The following GALNT18 variants were observed in gnomAD, a reference collection of about 807,000 sequenced individuals.
GALNT18 encodes polypeptide N-acetylgalactosaminyltransferase 18.
A neutral mutation model predicts 69.5 loss-of-function variants in GALNT18; 44 were observed. The ratio of observed to expected loss-of-function variants is 0.63; its 90% CI spans 0.50 to 0.81. The LOEUF is 0.81. Among genes scored for constraint, GALNT18 ranks in the 40% least tolerant of loss-of-function variants. The pLI, the probability that GALNT18 is intolerant of heterozygous loss-of-function variation, is 0.00. For synonymous variants in GALNT18, 364 were observed against 318.2 expected (o/e 1.14, Z -1.53); for missense variants, 715 against 810.0 (o/e 0.88, Z 1.42).
At position 11,583,467 on chromosome 11, in the gene GALNT18, G is replaced by A. The variant is rs548152487; in HGVS notation, c.235+37892C>T. Among the ~76,000 whole-genome samples the A allele has an allele frequency of 6.6e-5, 10 of 152,258 alleles. No individual in the cohort carries two copies. The highest frequency in any genetic ancestry group is 2.2e-4 in the African/African-American group (9 of 41,546). ...ATCCATAGGTGAAAATAAAATCCACGGGGTAAAAAGGTTTCTAGCTCTGTT... is the reference window on the plus strand; with the variant it reads ...ATCCATAGGTGAAAATAAAATCCACAGGGTAAAAAGGTTTCTAGCTCTGTT... On this transcript the variant is annotated intron_variant, in intron 1 of 10. Coordinates refer to ENST00000227756, the MANE Select transcript of GALNT18 (RefSeq NM_198516.3). This position sits in a 1 kb window ranked among gnomAD's most constrained non-coding sequence, Gnocchi z 4.7.
rs1167451492 is a variant in GALNT18, at chr11:11,620,922, G to C, written c.235+437C>G. Among the ~76,000 whole-genome samples, 1 of 152,100 alleles carries C rather than the reference G, an allele frequency of 6.6e-6. No homozygotes were observed. The highest frequency in any genetic ancestry group is 2.4e-5 in the African/African-American group (1 of 41,440). On this transcript the variant is annotated intron_variant, in intron 1 of 10. Transcript: ENST00000227756. This position sits in a 1 kb window ranked among gnomAD's most constrained non-coding sequence, Gnocchi z 6.9. ...GCCAATAGTCAGGGCCGCCGCGCGG[G>C]CATCTCGCCTGACGCCTACAGTGGC...
At chr11:11,551,079 C>T (rs1485270859) in intron 1 of GALNT18, among the ~76,000 whole-genome samples, 7 of 105,462 alleles carry the variant, frequency 6.6e-5, no homozygotes, top group East Asian at 2.2e-4. Flanking sequence ...AAACTCTATA[C>T]GGTACCAAAA....
At position 11,484,820 on chromosome 11, in the gene GALNT18, T is replaced by A. The variant is rs142303050; in HGVS notation, c.236-35884A>T. ...AGCAGGTGAGGAGAAACTGAACAGC[T>A]CTTCCAGGTCCCCAAGGAGTGGAGC... On this transcript the variant is annotated intron_variant, in intron 1 of 10. Coordinates refer to ENST00000227756, the MANE Select transcript of GALNT18 (RefSeq NM_198516.3). Among the ~76,000 whole-genome samples the A allele has an allele frequency of 8.3e-4, 127 of 152,196 alleles. 1 individual carries two copies. The highest frequency in any genetic ancestry group is 1.2e-3 in the Admixed American group (18 of 15,274).
chr11:11,611,039 A>C (rs575969043), intron 1 of GALNT18, among the ~76,000 whole-genome samples: 4 of 152,398 alleles, frequency 2.6e-5, no homozygotes, highest in Non-Finnish European at 5.9e-5. Flanking sequence ...CTGTAATGGA[A>C]GATCAAAAAG....
chr11:11,279,097 T>C (rs558891162), intron 10 of GALNT18, among the ~76,000 whole-genome samples: 70 of 152,118 alleles, frequency 4.6e-4, no homozygotes, highest in African/African-American at 1.7e-3. Flanking sequence ...GTGGGCTCTC[T>C]CCGCTCTGAG....
chr11:11,286,127 C>T (rs1046536520), intron 10 of GALNT18, among the ~76,000 whole-genome samples: 31 of 152,188 alleles, frequency 2.0e-4, no homozygotes, highest in Non-Finnish European at 2.9e-5. Flanking sequence ...ACTCTAAGCT[C>T]AGCCTTGCCA....
At chr11:11,276,752 G>T (rs1474209173) in intron 10 of GALNT18, among the ~76,000 whole-genome samples, 1 of 152,148 alleles carries the variant, frequency 6.6e-6, no homozygotes, top group Non-Finnish European at 1.5e-5. Context: ...GGCCTTTTCT[G>T]CATCTATTGA....
At chr11:11,440,103 A>G (rs144661629) in intron 2 of GALNT18, among the ~76,000 whole-genome samples, 56 of 152,356 alleles carry the variant, frequency 3.7e-4, no homozygotes, top group African/African-American at 1.3e-3. Flanking sequence ...AAAACATCCA[A>G]CTTTCATCCA....
At chr11:11,514,793 A>G (rs948009692) in intron 1 of GALNT18, among the ~76,000 whole-genome samples, 15 of 152,210 alleles carry the variant, frequency 9.9e-5, no homozygotes, top group Non-Finnish European at 1.5e-5. Flanking sequence ...AGGAGCAACC[A>G]GAGCAGAGCA....
chr11:11,361,697 T>G (rs1008010604), intron 6 of GALNT18, among the ~76,000 whole-genome samples: 2 of 152,182 alleles, frequency 1.3e-5, no homozygotes, highest in African/African-American at 4.8e-5. Context: ...AGAATATATT[T>G]TCTTATATGT....
In GALNT18 at chr11:11,389,859, G is replaced by C. The variant is rs1467428483; in HGVS notation, c.596-10595C>G. 6.6e-6 allele frequency among the ~76,000 whole-genome samples: 1 copy of C among 152,168 alleles called. No homozygotes were observed. Among genetic ancestry groups the C allele is most frequent in the Non-Finnish European group, 1.5e-5 (1 of 68,030 alleles). ...GCCCTATGTGTGAGCACTCAGGAAGGTCCAGTGCCCTTAGCAGTTAAGCCA... is the reference window on the plus strand; with the variant it reads ...GCCCTATGTGTGAGCACTCAGGAAGCTCCAGTGCCCTTAGCAGTTAAGCCA... On this transcript the variant is annotated intron_variant, in intron 3 of 10. Transcript: ENST00000227756. The surrounding 1 kb of genome is among the most constrained non-coding windows in gnomAD (Gnocchi z 4.3).
At chr11:11,431,827 A>G (rs534849087) in intron 3 of GALNT18, among the ~76,000 whole-genome samples, 1 of 152,346 alleles carries the variant, frequency 6.6e-6, no homozygotes, top group African/African-American at 2.4e-5. Flanking sequence ...GTCTATTTTG[A>G]GAAATCATGC....
chr11:11,420,511 A>T (rs1854980804), intron 3 of GALNT18, among the ~76,000 whole-genome samples: 1 of 152,238 alleles, frequency 6.6e-6, no homozygotes, highest in South Asian at 2.1e-4. Context: ...CAATTCCACC[A>T]GAAGTTATTC....
At chr11:11,472,420 A>G (rs1856292939) in intron 1 of GALNT18, among the ~76,000 whole-genome samples, 3 of 152,214 alleles carry the variant, frequency 2.0e-5, no homozygotes, top group African/African-American at 7.2e-5. Context: ...ATCAAAGTCA[A>G]TTCAAGATGG....
intron 6 of GALNT18, among the ~76,000 whole-genome samples, chr11:11,343,808 T>C (rs918045164): frequency 6.6e-6 from 1 of 152,048 alleles, no homozygotes; most frequent in African/African-American, 2.4e-5. Flanking sequence ...TCTTAAAGAG[T>C]AGGTTCACCA....
rs541377894 is a variant in GALNT18 at position 11,541,718 on chromosome 11, G to A, written c.235+79641C>T. Among the ~76,000 whole-genome samples, 7 of 152,056 alleles carry A rather than the reference G, an allele frequency of 4.6e-5. No homozygotes were observed. Among genetic ancestry groups the A allele is most frequent in the East Asian group, 1.9e-4 (1 of 5,152 alleles). ...CACACCTCTATTGCCCCAAAGCGTC[G>A]CTAGTAGCCTTGGGGATTCCTCCCT... On this transcript the variant is annotated intron_variant, in intron 1 of 10. Transcript: ENST00000227756. The surrounding 1 kb of genome is among the most constrained non-coding windows in gnomAD (Gnocchi z 4.8).
intron 2 of GALNT18, among the ~76,000 whole-genome samples, chr11:11,446,580 G>A (rs1450084899): frequency 1.3e-5 from 2 of 152,058 alleles, no homozygotes; most frequent in Non-Finnish European, 2.9e-5. Context: ...GAGGCCCCAT[G>A]ACACTTAGCT....
chr11:11,547,594 C>T (rs537614188), intron 1 of GALNT18, among the ~76,000 whole-genome samples: 51 of 152,280 alleles, frequency 3.3e-4, no homozygotes, highest in Admixed American at 4.6e-4. Context: ...AGAAAGACAA[C>T]GAGAGTTAAG....
intron 1 of GALNT18, among the ~76,000 whole-genome samples, chr11:11,451,005 C>T (rs1227710126): frequency 2.0e-5 from 3 of 152,134 alleles, no homozygotes; most frequent in African/African-American, 4.8e-5. Context: ...CATACCATCT[C>T]GGTGACTGAT....
Sources: allele counts gnomAD v4.1 joint callset (sites outside exome capture counted in the v4.1 genomes callset), GRCh38; gene constraint gnomAD v4.1.1; non-coding constraint Gnocchi (gnomAD v3.1); transcripts MANE v1.5; gene names NCBI Gene and HGNC (gene_info 2026-07-23, HGNC 2026-07-21).